CDH4: variants seen among roughly 807,000 people sequenced by gnomAD.
CDH4 encodes the protein cadherin-4.
CDH4 carries 33 observed loss-of-function variants against 86.0 expected under a neutral mutation model. That is an observed-to-expected ratio of 0.38 (90% CI 0.29 to 0.51). The LOEUF is 0.51. Among genes scored for constraint, CDH4 ranks in the 20% least tolerant of loss-of-function variants. CDH4 has a pLI of 0.86. For synonymous variants in CDH4, 555 were observed against 549.4 expected (o/e 1.01, Z -0.14); for missense variants, 1,114 against 1,307.4 (o/e 0.85, Z 2.28).
chr20:61,325,439 T>A (rs1568798189), intron 2 of CDH4, among the ~76,000 whole-genome samples: 1 of 152,208 alleles, frequency 6.6e-6, no homozygotes, highest in South Asian at 2.1e-4. Flanking sequence ...TTTTTTTTTC[T>A]GATAAAGGGC....
chr20:61,555,529 T>A (rs2145679631), intron 2 of CDH4, among the ~76,000 whole-genome samples: 1 of 152,316 alleles, frequency 6.6e-6, no homozygotes, highest in Non-Finnish European at 1.5e-5. Flanking sequence ...ATGACGATCA[T>A]GCCCCACACC....
intron 7 of CDH4, among the ~76,000 whole-genome samples, chr20:61,877,383 T>C (rs1984077345): frequency 1.0e-5 from 1 of 97,504 alleles, no homozygotes; most frequent in Non-Finnish European, 1.9e-5. Flanking sequence ...CACCCCCCGC[T>C]GTCGGCAGCT....
At chr20:61,620,723 G>A (rs962682977) in intron 2 of CDH4, among the ~76,000 whole-genome samples, 1 of 152,206 alleles carries the variant, frequency 6.6e-6, no homozygotes, top group African/African-American at 2.4e-5. Flanking sequence ...TTAGGCTCCT[G>A]GGAGAGCAAT....
At chr20:61,439,660 C>T (rs192485645) in intron 2 of CDH4, among the ~76,000 whole-genome samples, 22 of 152,362 alleles carry the variant, frequency 1.4e-4, no homozygotes, top group African/African-American at 5.0e-4. Flanking sequence ...AAGGCGGGAA[C>T]ATCTCTTCTG....
intron 2 of CDH4, among the ~76,000 whole-genome samples, chr20:61,342,160 G>A (rs897705607): frequency 7.9e-5 from 12 of 152,114 alleles, no homozygotes; most frequent in African/African-American, 2.2e-4. Flanking sequence ...TTAGACCAGC[G>A]GTCCTCCACC....
chr20:61,601,485 C>G (rs562085522), intron 2 of CDH4, among the ~76,000 whole-genome samples: 264 of 152,298 alleles, frequency 1.7e-3, no homozygotes, highest in African/African-American at 5.7e-3. Flanking sequence ...ACCTGGGCAG[C>G]CTGCGGCCCA....
intron 2 of CDH4, among the ~76,000 whole-genome samples, chr20:61,669,001 C>T (rs879718048): frequency 3.3e-5 from 5 of 152,190 alleles, no homozygotes; most frequent in Non-Finnish European, 5.9e-5. Context: ...CCAGGAGGAC[C>T]CCTGTCCAGC....
chr20:61,731,243 C>T (rs1037169720), intron 2 of CDH4, among the ~76,000 whole-genome samples: 6 of 152,120 alleles, frequency 3.9e-5, no homozygotes, highest in African/African-American at 1.4e-4. Flanking sequence ...CTGAGGGTCT[C>T]CTGAGGGATT....
chr20:61,352,695 G>A (rs1416163971), intron 2 of CDH4, among the ~76,000 whole-genome samples: 1 of 152,262 alleles, frequency 6.6e-6, no homozygotes, highest in Non-Finnish European at 1.5e-5. Flanking sequence ...TGTTCTCTAG[G>A]GGGCCTGGCT....
At chr20:61,660,955 G>T (rs1448450066) in intron 2 of CDH4, among the ~76,000 whole-genome samples, 6 of 152,096 alleles carry the variant, frequency 3.9e-5, no homozygotes, top group African/African-American at 1.4e-4. Context: ...CAGCACTAAT[G>T]AGTCCTCCAT....
At chr20:61,594,925 CTTCA>C (rs1034145979) in intron 2 of CDH4, among the ~76,000 whole-genome samples, 63 of 152,078 alleles carry the variant, frequency 4.1e-4, no homozygotes, top group African/African-American at 1.3e-3. Flanking sequence ...TTTATTAGTT[CTTCA>C]TTCATTCATT....
chr20:61,578,940 TG>T (rs2086404869), intron 2 of CDH4, among the ~76,000 whole-genome samples: 1 of 152,174 alleles, frequency 6.6e-6, no homozygotes, highest in Admixed American at 6.5e-5. Flanking sequence ...TTCGGTCTTG[TG>T]GGAAGGAAAG....
intron 2 of CDH4, among the ~76,000 whole-genome samples, chr20:61,528,243 G>A (rs1213656040): frequency 6.6e-6 from 1 of 151,414 alleles, no homozygotes; most frequent in African/African-American, 2.4e-5. Context: ...TGGGAGTGGT[G>A]GTGTGTGCCT....
chr20:61,835,603 A>G (rs969018814), intron 4 of CDH4, among the ~76,000 whole-genome samples: 1 of 152,202 alleles, frequency 6.6e-6, no homozygotes, highest in African/African-American at 2.4e-5. Flanking sequence ...TCCTGGCCTC[A>G]AGGCTCAGTT....
intron 2 of CDH4, among the ~76,000 whole-genome samples, chr20:61,577,046 T>C (rs572659902): frequency 6.6e-6 from 1 of 152,340 alleles, no homozygotes; most frequent in Non-Finnish European, 1.5e-5. Context: ...CACATAAATG[T>C]TTTGTGTGTT....
At chr20:61,620,514 GTACA>G (rs372057931) in intron 2 of CDH4, among the ~76,000 whole-genome samples, 2,351 of 149,348 alleles carry the variant, frequency 0.016, 88 homozygotes, top group African/African-American at 0.057. Flanking sequence ...TGATAGATTC[GTACA>G]TACATACATA....
chr20:61,461,188 ATTT>A (rs571338181), intron 2 of CDH4, among the ~76,000 whole-genome samples: 96 of 151,914 alleles, frequency 6.3e-4, no homozygotes, highest in African/African-American at 2.3e-3. Context: ...CTAGGAAGCC[ATTT>A]TTTTTTAAAA....
At chr20:61,468,650 A>T (rs2085486463) in intron 2 of CDH4, among the ~76,000 whole-genome samples, 1 of 152,060 alleles carries the variant, frequency 6.6e-6, no homozygotes, top group African/African-American at 2.4e-5. Flanking sequence ...ACTCATTCTA[A>T]CTACTTTTTT....
chr20:61,867,631 T>A (rs1447269831), intron 6 of CDH4, among the ~76,000 whole-genome samples: 1 of 151,480 alleles, frequency 6.6e-6, no homozygotes, highest in Non-Finnish European at 1.5e-5. Context: ...CTCATCACAT[T>A]TTCCTCCTCC....
Sources: gnomAD v4.1 joint callset for allele counts (sites outside exome capture counted in the v4.1 genomes callset) on GRCh38, gnomAD v4.1.1 for gene constraint, MANE v1.5 for transcripts, NCBI Gene and HGNC (gene_info 2026-07-23, HGNC 2026-07-21) for gene names.